SLMAP: variants seen among roughly 807,000 people sequenced by gnomAD.
The protein encoded by SLMAP is sarcolemmal membrane-associated protein.
A neutral mutation model predicts 128.8 loss-of-function variants in SLMAP; 44 were observed. The observed-to-expected ratio is 0.34, with a 90% CI of 0.27 to 0.44. SLMAP has a LOEUF of 0.44. Among genes scored for constraint, SLMAP ranks in the 20% least tolerant of loss-of-function variants. The probability of loss-of-function intolerance (pLI) is 1.00; values close to 1 mark genes in which losing one functional copy is unlikely to be tolerated. For missense variants in SLMAP, 787 were observed against 985.3 expected, an observed-to-expected ratio of 0.80 and a Z score of 2.69; for synonymous variants, 327 against 348.8, an observed-to-expected ratio of 0.94 and a Z score of 0.70.
At chr3:57,903,546 T>C (rs1205702572) in intron 17 of SLMAP, among the ~76,000 whole-genome samples, 2 of 152,192 alleles carry the variant, frequency 1.3e-5, no homozygotes, top group East Asian at 1.9e-4. Context: ...AGAGTTTAAG[T>C]TGAATCTCCA....
At chr3:57,890,180 T>C in intron 15 of SLMAP, 80 bp downstream of exon 15, 1 of 1,370,408 alleles carries the variant, frequency 7.3e-7, no homozygotes, top group Non-Finnish European at 1.0e-6. Context: ...GGTTATAGTA[T>C]TTTAACCATC....
intron 2 of SLMAP, among the ~76,000 whole-genome samples, chr3:57,765,159 G>C (rs1479475077): frequency 6.6e-6 from 1 of 152,168 alleles, no homozygotes; most frequent in Non-Finnish European, 1.5e-5. Flanking sequence ...TGAGGCTGTA[G>C]TATGCCAAAA....
At chr3:57,797,543 A>T (rs1432582905) in intron 2 of SLMAP, among the ~76,000 whole-genome samples, 1 of 151,892 alleles carries the variant, frequency 6.6e-6, no homozygotes, top group Non-Finnish European at 1.5e-5. Context: ...AATGCATATA[A>T]AGCAATATGT....
chr3:57,894,087 T>A (rs2153656049), intron 15 of SLMAP, among the ~76,000 whole-genome samples: 1 of 152,324 alleles, frequency 6.6e-6, no homozygotes, highest in South Asian at 2.1e-4. Context: ...GTTTCTAATT[T>A]CTTTCAAAAT....
intron 6 of SLMAP, among the ~76,000 whole-genome samples, chr3:57,850,347 G>A (rs2094455595): frequency 6.6e-6 from 1 of 152,142 alleles, no homozygotes; most frequent in Non-Finnish European, 1.5e-5. Flanking sequence ...ATTAAATCTA[G>A]AGAAAAGCCT....
chr3:57,862,743 G>A (rs1197851547), intron 10 of SLMAP, among the ~76,000 whole-genome samples: 1 of 151,732 alleles, frequency 6.6e-6, no homozygotes, highest in East Asian at 1.9e-4. Flanking sequence ...TATGCTGAAA[G>A]TATGAAAGCA....
chr3:57,912,022 T>A (rs1236899144), intron 19 of SLMAP, among the ~76,000 whole-genome samples: 1 of 151,222 alleles, frequency 6.6e-6, no homozygotes, highest in African/African-American at 2.4e-5. Context: ...ATAAGTTATA[T>A]ATACTATAAC....
intron 2 of SLMAP, among the ~76,000 whole-genome samples, chr3:57,785,689 T>A (rs756723062): frequency 3.2e-4 from 48 of 152,278 alleles, no homozygotes; most frequent in Non-Finnish European, 6.5e-4. Context: ...ACACTTCTCT[T>A]TTTTCCTTCT....
chr3:57,912,547 A>G lies in SLMAP; in HGVS notation c.1866A>G (p.Leu622=), dbSNP rs776037743. The change falls in exon 20 of 25, where the codon TTA becomes TTG. Residue 622 remains leucine (L), a synonymous_variant. Coordinates refer to ENST00000671191, the MANE Select transcript of SLMAP (RefSeq NM_001377540.1). ...AGCGGGACACTGACATTGCTTCTTT[A>G]CAAGAAGAGCTTAAGAAGGTGAGAG... ...ASERDTDIAS[L]QEELKKVRAE... is the part of the protein sequence containing the mutation. The G allele has an allele frequency of 6.8e-6, 11 of 1,614,072 alleles. No individual in the cohort carries two copies. In the African/African-American group the frequency reaches 1.5e-4, roughly 22 times the overall value.
At chr3:57,763,529 C>T (rs2079088429) in intron 2 of SLMAP, among the ~76,000 whole-genome samples, 1 of 152,120 alleles carries the variant, frequency 6.6e-6, no homozygotes, top group Admixed American at 6.6e-5. Context: ...CCCGCCCCGG[C>T]CTCCTAAAGA....
chr3:57,810,764 G>A (rs1156887204), intron 2 of SLMAP, among the ~76,000 whole-genome samples: 2 of 152,022 alleles, frequency 1.3e-5, no homozygotes, highest in Admixed American at 6.5e-5. Flanking sequence ...TCTCTCCCAC[G>A]TTCTTGGAAA....
chr3:57,758,880 G>A (rs2153424745), intron 2 of SLMAP, among the ~76,000 whole-genome samples: 1 of 152,264 alleles, frequency 6.6e-6, no homozygotes, highest in East Asian at 1.9e-4. Flanking sequence ...AGTTATGTAA[G>A]ACTAATAGGA....
chr3:57,870,339 CTTAT>C (rs927088295), intron 13 of SLMAP, among the ~76,000 whole-genome samples: 4 of 151,756 alleles, frequency 2.6e-5, no homozygotes, highest in Non-Finnish European at 5.9e-5. Flanking sequence ...TTGTCAAATT[CTTAT>C]TTATTAGATT....
At chr3:57,897,147 G>A in intron 17 of SLMAP, 1 of 1,299,860 alleles carries the variant, frequency 7.7e-7, no homozygotes, top group South Asian at 2.5e-5. Context: ...AGATTACGAG[G>A]GACAAAGTGT....
chr3:57,867,740 A>T, intron 13 of SLMAP, among the ~76,000 whole-genome samples: 1 of 152,290 alleles, frequency 6.6e-6, no homozygotes, highest in Non-Finnish European at 1.5e-5. Flanking sequence ...ATTTTAACTA[A>T]ATTATTCTTT....
chr3:57,901,833 C>T lies in SLMAP; in HGVS notation c.1501+4901C>T, dbSNP rs2096388697. On this transcript the variant is annotated intron_variant, in intron 17 of 24. Coordinates refer to ENST00000671191, the MANE Select transcript of SLMAP (RefSeq NM_001377540.1). Reference sequence around the variant, plus strand: ...GATCACTTGAGGTCAGGAGTTCGAACCTAGCTTGGCCATCATGGTGAAACC... The same window carrying T: ...GATCACTTGAGGTCAGGAGTTCGAATCTAGCTTGGCCATCATGGTGAAACC... 2.0e-5 allele frequency: 3 copies of T among 152,036 alleles called. 1 individual carries two copies. The South Asian group carries it at 6.2e-4, about 32-fold the overall frequency. 9.4% of individuals were successfully genotyped at this position (152,036 alleles called of 1,614,324 possible).
chr3:57,820,967 G>T (rs1340786327), intron 2 of SLMAP, among the ~76,000 whole-genome samples: 2 of 152,158 alleles, frequency 1.3e-5, no homozygotes, highest in Admixed American at 1.3e-4. Context: ...ACCCTGACAG[G>T]TATATAGAGG....
At chr3:57,781,283 A>G (rs2083007401) in intron 2 of SLMAP, among the ~76,000 whole-genome samples, 1 of 152,068 alleles carries the variant, frequency 6.6e-6, no homozygotes, top group Non-Finnish European at 1.5e-5. Flanking sequence ...TTGCAGCTAC[A>G]TTATGTATGT....
intron 6 of SLMAP, among the ~76,000 whole-genome samples, chr3:57,853,623 T>C (rs1206466981): frequency 6.6e-6 from 1 of 152,096 alleles, no homozygotes; most frequent in East Asian, 1.9e-4. Flanking sequence ...GTTTAGACTT[T>C]GTACACCAAT....
Sources: allele counts gnomAD v4.1 joint callset (sites outside exome capture counted in the v4.1 genomes callset), GRCh38; gene constraint gnomAD v4.1.1; transcripts MANE v1.5; gene names NCBI Gene and HGNC (gene_info 2026-07-23, HGNC 2026-07-21).